MRTFB: variants seen among roughly 807,000 people sequenced by gnomAD.
MRTFB encodes the protein myocardin-related transcription factor B.
Under a neutral mutation model 104.2 loss-of-function variants are expected in MRTFB, and 29 were observed. The observed-to-expected ratio is 0.28, with a 90% confidence interval of 0.21 to 0.38. The LOEUF is 0.38. Ranked by LOEUF, MRTFB falls within the 10% of genes least tolerant of loss-of-function variation. MRTFB has a pLI of 1.00. For missense variants in MRTFB, 1,270 were observed against 1,341.6 expected (o/e 0.95, Z 0.83); for synonymous variants, 535 against 519.5 (o/e 1.03, Z -0.41).
chr16:14,103,890 T>C (rs567521435), intron 2 of MRTFB, among the ~76,000 whole-genome samples: 3 of 152,352 alleles, frequency 2.0e-5, no homozygotes, highest in Admixed American at 6.5e-5. Context: ...ATTAAGAATT[T>C]AAGCTCTCTG....
At chr16:14,169,845 C>T (rs1157682255) in intron 3 of MRTFB, among the ~76,000 whole-genome samples, 2 of 151,772 alleles carry the variant, frequency 1.3e-5, no homozygotes, top group East Asian at 1.9e-4. Context: ...GGAAATATAG[C>T]GAGACTCCAT....
chr16:14,245,797 G>T, intron 11 of MRTFB, 137 bp downstream of exon 11: 1 of 1,021,786 alleles, frequency 9.8e-7, no homozygotes, highest in Non-Finnish European at 1.4e-6. Context: ...CTTTATAAAA[G>T]GTATTTTCTT....
Position 14,217,108 on chromosome 16 carries a change from C to T in MRTFB, c.353-18C>T. ...ATAGTAATTCGAGTAATGGTTAAAACTGTGTTTCCTCTTTTAGAAACATTT... is the reference window on the plus strand; with the variant it reads ...ATAGTAATTCGAGTAATGGTTAAAATTGTGTTTCCTCTTTTAGAAACATTT... On this transcript the variant is annotated intron_variant, in intron 6 of 16. Coordinates refer to ENST00000571589, the MANE Select transcript of MRTFB (RefSeq NM_001308142.2). 6.3e-7 allele frequency: 1 copy of T among 1,593,166 alleles called. No individual in the cohort carries two copies. Among genetic ancestry groups the T allele is most frequent in the South Asian group, 1.2e-5 (1 of 85,660 alleles).
intron 3 of MRTFB, among the ~76,000 whole-genome samples, chr16:14,204,110 G>GT (rs780296653): frequency 6.6e-6 from 1 of 151,968 alleles, no homozygotes; most frequent in Non-Finnish European, 1.5e-5. Context: ...GACTACAGGT[G>GT]TGTGCTACCA....
chr16:14,070,176 C>G (rs559053364), upstream of MRTFB, among the ~76,000 whole-genome samples: 5 of 152,288 alleles, frequency 3.3e-5, no homozygotes, highest in African/African-American at 9.6e-5. Flanking sequence ...CCCAGATGAG[C>G]TAGCTCATGC....
chr16:14,094,250 GATAAAT>G (rs2035241640), intron 2 of MRTFB, among the ~76,000 whole-genome samples: 1 of 152,040 alleles, frequency 6.6e-6, no homozygotes, highest in Non-Finnish European at 1.5e-5. Flanking sequence ...TTTAATGACT[GATAAAT>G]ATAACTCAAA....
rs1429149702 is a variant in MRTFB, at chr16:14,166,818, T to G, written c.154+26058T>G. Reference sequence around the variant, plus strand: ...GGATCACAGCTTCCCCCTGCATCCATGTCCCTGCAAAGGACATGATCTTGT... The same window carrying G: ...GGATCACAGCTTCCCCCTGCATCCAGGTCCCTGCAAAGGACATGATCTTGT... On this transcript the variant is annotated intron_variant, in intron 3 of 16. Coordinates refer to ENST00000571589, the MANE Select transcript of MRTFB (RefSeq NM_001308142.2). Among the ~76,000 whole-genome samples the G allele has an allele frequency of 5.3e-5, 8 of 152,328 alleles. No individual in the cohort carries two copies. In the South Asian group the frequency reaches 8.3e-4, roughly 16 times the overall value.
the MRTFB span, among the ~76,000 whole-genome samples, chr16:14,052,686 C>A: frequency 1.3e-5 from 2 of 150,898 alleles, no homozygotes; most frequent in Non-Finnish European, 2.9e-5. Flanking sequence ...TTGCAGTGAG[C>A]CGAGATGGTG....
intron 8 of MRTFB, 89 bp from the exon 9 acceptor site, chr16:14,234,057 A>T (rs115475493): frequency 6.6e-7 from 1 of 1,514,832 alleles, no homozygotes; most frequent in Admixed American, 1.9e-5. Context: ...AGTGGGCTTA[A>T]AAACCAGGTC....
At chr16:14,062,074 ATTTTGTTTTGTTTTG>A in the MRTFB span, among the ~76,000 whole-genome samples, 1 of 150,646 alleles carries the variant, frequency 6.6e-6, no homozygotes, top group Admixed American at 6.6e-5. Flanking sequence ...AAGGACCCAG[ATTTTGTTTTGTTTTG>A]TTTTGTTTTG....
Position 14,237,780 on chromosome 16 carries a change from AC to A in MRTFB, c.832-2456del, listed in dbSNP as rs1329535044. 2.0e-5 allele frequency among the ~76,000 whole-genome samples: 3 copies of A among 152,280 alleles called. No homozygotes were observed. In the East Asian group the frequency reaches 5.8e-4, roughly 29 times the overall value. ...GCAGGCACTCAGCTCTGTGCTGATCACTTATACGTTCTCAATGTTTAGGCAG... is the reference window on the plus strand; with the variant it reads ...GCAGGCACTCAGCTCTGTGCTGATCATTATACGTTCTCAATGTTTAGGCAG... On this transcript the variant is annotated intron_variant, in intron 9 of 16. Transcript: ENST00000571589.
intron 2 of MRTFB, among the ~76,000 whole-genome samples, chr16:14,119,267 A>G (rs1204188694): frequency 1.3e-5 from 2 of 152,208 alleles, no homozygotes; most frequent in East Asian, 1.9e-4. Flanking sequence ...CGGATTGGTT[A>G]TAGTTCATTG....
At chr16:14,102,658 C>G (rs891269954) in intron 2 of MRTFB, among the ~76,000 whole-genome samples, 1 of 152,190 alleles carries the variant, frequency 6.6e-6, no homozygotes, top group Non-Finnish European at 1.5e-5. Context: ...TGTGTTTATA[C>G]TTGCTTTAAA....
At chr16:14,127,918 TA>T (rs2037215348) in intron 2 of MRTFB, among the ~76,000 whole-genome samples, 1 of 40,782 alleles carries the variant, frequency 2.5e-5, no homozygotes, top group African/African-American at 3.2e-4. Context: ...TATATATATA[TA>T]TATATATATA....
intron 9 of MRTFB, among the ~76,000 whole-genome samples, chr16:14,237,929 G>A (rs2042592114): frequency 6.6e-6 from 1 of 152,136 alleles, no homozygotes; most frequent in South Asian, 2.1e-4. Flanking sequence ...TAACAGGATG[G>A]CCACGTAGCA....
intron 8 of MRTFB, among the ~76,000 whole-genome samples, chr16:14,230,367 T>G (rs2042202896): frequency 6.6e-6 from 1 of 151,980 alleles, no homozygotes; most frequent in African/African-American, 2.4e-5. Context: ...GGGAGAAAAT[T>G]TTCGCAACCT....
At chr16:14,122,763 G>A (rs1567349233) in intron 2 of MRTFB, among the ~76,000 whole-genome samples, 1 of 152,182 alleles carries the variant, frequency 6.6e-6, no homozygotes, top group Non-Finnish European at 1.5e-5. Context: ...GTGTGCATGT[G>A]TCTTTATAGT....
the MRTFB span, among the ~76,000 whole-genome samples, chr16:14,043,309 A>G: frequency 6.6e-6 from 1 of 152,088 alleles, no homozygotes; most frequent in African/African-American, 2.4e-5. Context: ...TCATGCATAC[A>G]TGTTAACAGC....
At chr16:14,211,249 T>G (rs1230712661) in intron 4 of MRTFB, among the ~76,000 whole-genome samples, 1 of 151,830 alleles carries the variant, frequency 6.6e-6, no homozygotes, top group East Asian at 1.9e-4. Context: ...GCTTTGATAA[T>G]CTGCCAGATT....
Sources: allele counts gnomAD v4.1 joint callset (sites outside exome capture counted in the v4.1 genomes callset), GRCh38; gene constraint gnomAD v4.1.1; transcripts MANE v1.5; gene names NCBI Gene and HGNC (gene_info 2026-07-23, HGNC 2026-07-21).